The following ZNF609 variants were observed in gnomAD, a reference collection of about 807,000 sequenced individuals.
ZNF609 encodes the protein zinc finger protein 609.
A neutral mutation model predicts 109.5 loss-of-function variants in ZNF609; 11 were observed. The observed-to-expected ratio is 0.10, with a 90% CI of 0.06 to 0.17. The LOEUF (loss-of-function observed/expected upper bound fraction) is 0.17. Among genes scored for constraint, ZNF609 ranks in the 10% least tolerant of loss-of-function variants. ZNF609 has a pLI of 1.00. For synonymous variants in ZNF609, 646 were observed against 662.0 expected, an observed-to-expected ratio of 0.98 and a Z score of 0.37; for missense variants, 1,559 against 1,772.4, an observed-to-expected ratio of 0.88 and a Z score of 2.16.
chr15:64,646,667 G>A (rs1169023080), intron 3 of ZNF609, among the ~76,000 whole-genome samples: 11 of 145,422 alleles, frequency 7.6e-5, no homozygotes, highest in Non-Finnish European at 1.6e-4. Flanking sequence ...AACTGGGCAC[G>A]GTGGCTCACG....
At chr15:64,547,368 AT>A (rs1894382118) in intron 2 of ZNF609, among the ~76,000 whole-genome samples, 1 of 152,192 alleles carries the variant, frequency 6.6e-6, no homozygotes, top group Non-Finnish European at 1.5e-5. Flanking sequence ...TGAGAGCCTT[AT>A]CTTTGTAGGT....
At chr15:64,606,409 A>C (rs1489218197) in intron 2 of ZNF609, among the ~76,000 whole-genome samples, 3 of 150,430 alleles carry the variant, frequency 2.0e-5, no homozygotes, top group Non-Finnish European at 4.4e-5. Context: ...AAATACAAAA[A>C]TTTAGTTGGG....
intron 2 of ZNF609, among the ~76,000 whole-genome samples, chr15:64,525,586 A>G (rs1415118898): frequency 1.3e-5 from 2 of 152,160 alleles, no homozygotes; most frequent in Non-Finnish European, 1.5e-5. Flanking sequence ...TTTTAGGATC[A>G]GCTTGTCAAT....
chr15:64,598,742 G>GTATA lies in ZNF609; in HGVS notation c.748-24043_748-24040dup, dbSNP rs1169879124. On this transcript the variant is annotated intron_variant, in intron 2 of 9. Coordinates refer to ENST00000326648, the MANE Select transcript of ZNF609 (RefSeq NM_015042.2). ...CTGTCCATCATACATCTTTGTGTGT[G>GTATA]TATATATATATATATATATATATAT... 1.2e-3 allele frequency among the ~76,000 whole-genome samples: 70 copies of GTATA among 60,220 alleles called. 1 individual carries two copies. Among genetic ancestry groups the GTATA allele is most frequent in the Non-Finnish European group, 1.5e-3 (48 of 32,502 alleles). 39.5% of individuals were successfully genotyped at this position (60,220 alleles called of 152,430 possible).
At chr15:64,672,108 G>A (rs1031125535) in intron 4 of ZNF609, among the ~76,000 whole-genome samples, 4 of 148,178 alleles carry the variant, frequency 2.7e-5, no homozygotes, top group African/African-American at 1.0e-4. Context: ...CACCTCCCGG[G>A]TTCACGCCAT....
chr15:64,493,389 A>G (rs915577144), intron 1 of ZNF609, among the ~76,000 whole-genome samples: 2 of 152,184 alleles, frequency 1.3e-5, no homozygotes, highest in Non-Finnish European at 2.9e-5. Flanking sequence ...ATTGCAATTA[A>G]TGACCTGAAA....
intron 2 of ZNF609, among the ~76,000 whole-genome samples, chr15:64,531,058 C>T (rs1894053697): frequency 6.6e-6 from 1 of 152,178 alleles, no homozygotes; most frequent in Admixed American, 6.5e-5. Context: ...ACTTAACATA[C>T]ATGTACTGCA....
chr15:64,587,834 A>C (rs981275254), intron 2 of ZNF609, among the ~76,000 whole-genome samples: 12 of 152,104 alleles, frequency 7.9e-5, no homozygotes, highest in Non-Finnish European at 1.6e-4. Flanking sequence ...AATTTTTCTG[A>C]AAATGAGTGT....
chr15:64,475,002 C>T (rs1893146827), intron 1 of ZNF609, among the ~76,000 whole-genome samples: 2 of 151,652 alleles, frequency 1.3e-5, no homozygotes, highest in Non-Finnish European at 2.9e-5. Flanking sequence ...CTATGTTTCC[C>T]TGGCTGGCCT....
intron 8 of ZNF609, 111 bp downstream of exon 8, chr15:64,680,973 CT>C: frequency 3.1e-6 from 4 of 1,275,876 alleles, no homozygotes; most frequent in South Asian, 1.5e-5. Context: ...CATAAGAATC[CT>C]TTTTTAATTT....
intron 2 of ZNF609, chr15:64,593,157 A>T: frequency 6.4e-7 from 1 of 1,562,418 alleles, no homozygotes; most frequent in East Asian, 2.2e-5. Flanking sequence ...AGCGTCTTCG[A>T]TGCCTATGTG....
intron 1 of ZNF609, among the ~76,000 whole-genome samples, chr15:64,496,491 T>C (rs1893484543): frequency 6.6e-6 from 1 of 152,328 alleles, no homozygotes; most frequent in South Asian, 2.1e-4. Context: ...GGGGAAGAAC[T>C]GTGCTTTAAG....
chr15:64,481,971 G>A (rs1046936505), intron 1 of ZNF609, among the ~76,000 whole-genome samples: 1 of 152,046 alleles, frequency 6.6e-6, no homozygotes, highest in Non-Finnish European at 1.5e-5. Context: ...TTTTAGCAGA[G>A]ATGGGGTTTC....
chr15:64,468,090 C>CA (rs1437977678), intron 1 of ZNF609, among the ~76,000 whole-genome samples: 1 of 151,232 alleles, frequency 6.6e-6, no homozygotes, highest in Non-Finnish European at 1.5e-5. Context: ...GATCACAGCT[C>CA]ACTGCAGGCT....
rs1267566212 is a variant in ZNF609, at chr15:64,685,818, C to G, written c.*4132C>G. 1 of 152,458 alleles carries G rather than the reference C, an allele frequency of 6.6e-6. No individual in the cohort carries two copies. The highest frequency in any genetic ancestry group is 1.5e-5 in the Non-Finnish European group (1 of 68,066). The allele number at this position is 152,458 out of a possible 1,614,324, so 9.4% of individuals were successfully genotyped here. A position where few individuals can be genotyped will look rare whatever the true frequency, so the allele number is the denominator to read the frequency against. On this transcript the variant is annotated 3_prime_UTR_variant, in exon 10 of 10. Coordinates refer to ENST00000326648, the MANE Select transcript of ZNF609 (RefSeq NM_015042.2). ...CCCAGCTGGTGGACTCCTGTGGCTA[C>G]CCCATCAGAACAAGGGCTAAGGGTT...
chr15:64,586,573 G>A (rs999861245), intron 2 of ZNF609, among the ~76,000 whole-genome samples: 6 of 152,090 alleles, frequency 3.9e-5, no homozygotes, highest in African/African-American at 1.2e-4. Context: ...TAAGTCATGC[G>A]TTCCTTATGT....
At chr15:64,480,461 G>A (rs1468815265) in intron 1 of ZNF609, among the ~76,000 whole-genome samples, 1 of 151,728 alleles carries the variant, frequency 6.6e-6, no homozygotes, top group East Asian at 1.9e-4. Flanking sequence ...AACCCAGGAG[G>A]CGGAAGTTGC....
intron 1 of ZNF609, among the ~76,000 whole-genome samples, chr15:64,495,017 C>G (rs1893462865): frequency 6.6e-6 from 1 of 152,148 alleles, no homozygotes; most frequent in South Asian, 2.1e-4. Context: ...GAGCATAGAT[C>G]ATCAGATGTT....
At chr15:64,463,704 G>A (rs1196972279) in intron 1 of ZNF609, among the ~76,000 whole-genome samples, 1 of 152,160 alleles carries the variant, frequency 6.6e-6, no homozygotes, top group East Asian at 1.9e-4. Context: ...CCTTTGATAG[G>A]AGGGAACAGG....
Sources: allele counts gnomAD v4.1 joint callset (sites outside exome capture counted in the v4.1 genomes callset), GRCh38; gene constraint gnomAD v4.1.1; transcripts MANE v1.5; gene names NCBI Gene and HGNC (gene_info 2026-07-23, HGNC 2026-07-21).